TMEM217: variants seen among roughly 807,000 people sequenced by gnomAD.
TMEM217 encodes transmembrane protein 217.
For missense variants in TMEM217, 204 were observed against 248.8 expected (o/e 0.82, Z 1.21); for synonymous variants, 76 against 88.3 (o/e 0.86, Z 0.78).
exon 1 of TMEM217, chr6:37,257,739 C>A: frequency 1.6e-6 from 1 of 638,266 alleles, no homozygotes; most frequent in Non-Finnish European, 2.6e-6. Flanking sequence ...GCGCAGCTCA[C>A]CAATGGCAGC....
At chr6:37,230,898 G>A in intron 1 of TMEM217, among the ~76,000 whole-genome samples, 1 of 152,024 alleles carries the variant, frequency 6.6e-6, no homozygotes, top group East Asian at 1.9e-4. Flanking sequence ...TTAACAATGA[G>A]TTTTCTTTTC....
intron 1 of TMEM217, among the ~76,000 whole-genome samples, chr6:37,232,439 G>A (rs1317427621): frequency 6.6e-6 from 1 of 152,204 alleles, no homozygotes; most frequent in Non-Finnish European, 1.5e-5. Context: ...AGGCTGGAGT[G>A]CAGTGGCACA....
chr6:37,224,613 A>ACAAC (rs1763711558), intron 1 of TMEM217, among the ~76,000 whole-genome samples: 2 of 51,884 alleles, frequency 3.9e-5, no homozygotes, highest in African/African-American at 1.0e-4. Flanking sequence ...AAACAAACAA[A>ACAAC]CGAAAAAAAA....
chr6:37,216,227 T>C (rs1417902967), downstream of TMEM217, among the ~76,000 whole-genome samples: 1 of 151,952 alleles, frequency 6.6e-6, no homozygotes, highest in East Asian at 1.9e-4. Flanking sequence ...TACAGGTGCC[T>C]GCCACTATAC....
downstream of TMEM217, chr6:37,213,077 A>C: frequency 2.1e-6 from 2 of 936,050 alleles, no homozygotes; most frequent in African/African-American, 1.7e-5. Context: ...CTAGATATAA[A>C]TCAGAGAGCT....
chr6:37,250,585 G>C (rs867234720), intron 1 of TMEM217, among the ~76,000 whole-genome samples: 18 of 152,230 alleles, frequency 1.2e-4, no homozygotes, highest in African/African-American at 3.4e-4. Flanking sequence ...GCCTTTCCTA[G>C]ATATTCCTAG....
chr6:37,239,539 T>C (rs1393260166), intron 1 of TMEM217, among the ~76,000 whole-genome samples: 2 of 152,118 alleles, frequency 1.3e-5, no homozygotes, highest in African/African-American at 4.8e-5. Flanking sequence ...GAGAAAGCAT[T>C]GAAGCATAGT....
chr6:37,229,335 G>GTT lies in TMEM217; in HGVS notation c.-11-10296_-11-10295dup, dbSNP rs372385535. On this transcript the variant is annotated intron_variant, in intron 1 of 1. Transcript: ENST00000357219. ...TGACTCGTCTCCCTAGCAACTTTCA[G>GTT]TTTTTTTTTTTTTTTTTTTTTTTTT... Among the ~76,000 whole-genome samples the GTT allele has an allele frequency of 2.6e-3, 194 of 74,322 alleles. 31 individuals carry two copies. The highest frequency in any genetic ancestry group is 3.0e-3 in the African/African-American group (57 of 18,730). 48.8% of individuals were successfully genotyped at this position (74,322 alleles called of 152,430 possible).
At chr6:37,256,012 GAAGATTAAGAAAAAGGA>G (rs1330167629) in intron 1 of TMEM217, among the ~76,000 whole-genome samples, 2 of 152,162 alleles carry the variant, frequency 1.3e-5, no homozygotes, top group Non-Finnish European at 2.9e-5. Context: ...ACATTTCATA[GAAGATTAAGAAAAAGGA>G]GTATTTTGAG....
intron 1 of TMEM217, among the ~76,000 whole-genome samples, chr6:37,250,483 T>A (rs972590912): frequency 6.6e-6 from 1 of 152,262 alleles, no homozygotes; most frequent in African/African-American, 2.4e-5. Flanking sequence ...CTCACACTCA[T>A]TGCTGTGAGG....
Position 37,239,477 on chromosome 6 carries a change from A to AAAAT in TMEM217, c.-12+18087_-12+18090dup, listed in dbSNP as rs10550751. The stretch of plus-strand genomic sequence containing the variant: ...GTGACAGAGCAAGACTCTGTCTTAA[A>AAAAT]AAATAAATAAATAAATAAATAAATA... On this transcript the variant is annotated intron_variant, in intron 1 of 1. Coordinates refer to ENST00000357219, the Ensembl canonical transcript of TMEM217. Among the ~76,000 whole-genome samples, 92 of 150,012 alleles carry AAAAT rather than the reference A, an allele frequency of 6.1e-4. 1 individual carries two copies. The East Asian group carries it at 0.013, about 22-fold the overall frequency.
At chr6:37,239,251 G>T (rs1764642419) in intron 1 of TMEM217, among the ~76,000 whole-genome samples, 1 of 152,208 alleles carries the variant, frequency 6.6e-6, no homozygotes, top group South Asian at 2.1e-4. Context: ...CAGTTTGGGA[G>T]GCCAAGGTGG....
At chr6:37,212,278 C>T (rs905228364) in exon 4 of TMEM217, 12 of 350,762 alleles carry the variant, frequency 3.4e-5, no homozygotes, top group African/African-American at 6.4e-5. Flanking sequence ...TGCCCTCTCC[C>T]GAGAATCATT....
At chr6:37,232,890 A>G (rs1047250022) in intron 1 of TMEM217, among the ~76,000 whole-genome samples, 1 of 152,116 alleles carries the variant, frequency 6.6e-6, no homozygotes, top group African/African-American at 2.4e-5. Context: ...CTCCTTTATT[A>G]GCTTCCTTCT....
intron 1 of TMEM217, among the ~76,000 whole-genome samples, chr6:37,233,173 GTCTT>G (rs980592450): frequency 3.3e-5 from 5 of 151,648 alleles, no homozygotes; most frequent in African/African-American, 1.2e-4. Context: ...TGTTTCTCTG[GTCTT>G]TCTTATTTAA....
downstream of TMEM217, chr6:37,215,415 A>G: frequency 8.7e-7 from 1 of 1,146,426 alleles, no homozygotes; most frequent in Non-Finnish European, 1.2e-6. Context: ...TCTCTACTAA[A>G]GATACAAAAA....
intron 1 of TMEM217, among the ~76,000 whole-genome samples, chr6:37,235,878 C>G (rs1391683129): frequency 6.6e-6 from 1 of 152,162 alleles, no homozygotes; most frequent in Non-Finnish European, 1.5e-5. Context: ...ATGACTTAAT[C>G]CCTTCCCCAA....
chr6:37,252,912 T>C (rs2113933489), intron 1 of TMEM217, among the ~76,000 whole-genome samples: 1 of 151,754 alleles, frequency 6.6e-6, no homozygotes, highest in South Asian at 2.1e-4. Flanking sequence ...AGTGCTGGGA[T>C]TGCAGGTGTG....
chr6:37,235,200 T>C (rs1355422716), intron 1 of TMEM217, among the ~76,000 whole-genome samples: 1 of 152,158 alleles, frequency 6.6e-6, no homozygotes, highest in Admixed American at 6.5e-5. Flanking sequence ...GGAAATGATA[T>C]ATTACTTCAA....
Sources: gnomAD v4.1 joint callset for allele counts (sites outside exome capture counted in the v4.1 genomes callset) on GRCh38, gnomAD v4.1.1 for gene constraint, MANE v1.5 for transcripts, NCBI Gene and HGNC (gene_info 2026-07-23, HGNC 2026-07-21) for gene names.